Variants in NKAIN2 observed in about 807,000 individuals in gnomAD.
The protein encoded by NKAIN2 is sodium/potassium transporting ATPase interacting 2, also known as sodium/potassium-transporting ATPase subunit beta-1-interacting protein 2.
Under a neutral mutation model 32.6 loss-of-function variants are expected in NKAIN2, and 14 were observed. The ratio of observed to expected loss-of-function variants is 0.43; its 90% CI spans 0.28 to 0.67. The LOEUF (loss-of-function observed/expected upper bound fraction) is 0.67, where lower values mean the gene tolerates loss of function less well. NKAIN2 is among the 30% of genes least tolerant of loss of function. NKAIN2 has a pLI of 0.17. For missense variants in NKAIN2, 198 were observed against 258.3 expected (o/e 0.77, Z 1.60); for synonymous variants, 80 against 87.2 (o/e 0.92, Z 0.46).
intron 3 of NKAIN2, among the ~76,000 whole-genome samples, chr6:124,507,974 C>G (rs1434244320): frequency 6.6e-6 from 1 of 151,892 alleles, no homozygotes; most frequent in Non-Finnish European, 1.5e-5. Context: ...CCAATTAGGC[C>G]AGGCACAATA....
intron 1 of NKAIN2, among the ~76,000 whole-genome samples, chr6:124,199,175 G>A (rs1454451821): frequency 4.6e-5 from 7 of 152,232 alleles, no homozygotes; most frequent in East Asian, 1.9e-4. Context: ...AAACACTGGC[G>A]TGACAACAGA....
At chr6:124,142,241 AC>A (rs1787181213) in intron 1 of NKAIN2, among the ~76,000 whole-genome samples, 1 of 151,980 alleles carries the variant, frequency 6.6e-6, no homozygotes, top group African/African-American at 2.4e-5. Flanking sequence ...TTTTCTACCC[AC>A]TGCTGAAATT....
intron 1 of NKAIN2, among the ~76,000 whole-genome samples, chr6:124,044,822 A>C (rs1582525030): frequency 6.6e-6 from 1 of 152,216 alleles, no homozygotes; most frequent in Non-Finnish European, 1.5e-5. Context: ...TATCATTGAA[A>C]GATGTTGAGC....
chr6:124,797,348 G>A (rs1780049759), intron 5 of NKAIN2, among the ~76,000 whole-genome samples: 1 of 152,100 alleles, frequency 6.6e-6, no homozygotes, highest in Non-Finnish European at 1.5e-5. Context: ...GAGATTCAAT[G>A]TATTTGCAAA....
intron 4 of NKAIN2, among the ~76,000 whole-genome samples, chr6:124,681,766 A>T (rs1224760793): frequency 1.3e-5 from 2 of 152,106 alleles, no homozygotes; most frequent in Non-Finnish European, 1.5e-5. Flanking sequence ...ATAGAATCTT[A>T]CTGGCTTCTA....
intron 1 of NKAIN2, among the ~76,000 whole-genome samples, chr6:124,276,293 A>AACACACACACACACACAC (rs149321217): frequency 1.9e-4 from 28 of 145,954 alleles, no homozygotes; most frequent in African/African-American, 7.0e-4. Flanking sequence ...CCCCTTGGTG[A>AACACACACACACACACAC]ACACACACAC....
Position 124,566,779 on chromosome 6 carries a change from TA to T in NKAIN2, c.274-91400del, listed in dbSNP as rs1044143339. Reference sequence around the variant, plus strand: ...CTCCTAGGGTGACATAATTGAGTACTAAAAAAACCTTAATTTAGTATTTCAC... The same window carrying T: ...CTCCTAGGGTGACATAATTGAGTACTAAAAAACCTTAATTTAGTATTTCAC... On this transcript the variant is annotated intron_variant, in intron 3 of 6. Coordinates refer to ENST00000368417, the MANE Select transcript of NKAIN2 (RefSeq NM_001040214.3). 3.3e-5 allele frequency among the ~76,000 whole-genome samples: 5 copies of T among 152,108 alleles called. No homozygotes were observed. In the South Asian group the frequency reaches 8.3e-4, roughly 25 times the overall value.
intron 1 of NKAIN2, among the ~76,000 whole-genome samples, chr6:123,836,775 A>C (rs1156240484): frequency 6.6e-6 from 1 of 152,178 alleles, no homozygotes; most frequent in Non-Finnish European, 1.5e-5. Flanking sequence ...AAATGTTAAC[A>C]TTAGGGGAAG....
chr6:124,599,806 G>A (rs775914358), intron 3 of NKAIN2, among the ~76,000 whole-genome samples: 9 of 152,156 alleles, frequency 5.9e-5, no homozygotes, highest in South Asian at 4.2e-4. Flanking sequence ...TCTTTTAGCC[G>A]TGCATGACCA....
Position 124,123,753 on chromosome 6 carries a change from G to T in NKAIN2, c.55-159252G>T, listed in dbSNP as rs555076074. On this transcript the variant is annotated intron_variant, in intron 1 of 6. Transcript: ENST00000368417. Reference sequence around the variant, plus strand: ...CTCCTGAATCATATACTACCAAATGGCAGGAACTGGGCTCTTTAGCCTGTT... The same window carrying T: ...CTCCTGAATCATATACTACCAAATGTCAGGAACTGGGCTCTTTAGCCTGTT... Among the ~76,000 whole-genome samples, 35 of 152,164 alleles carry T rather than the reference G, an allele frequency of 2.3e-4. No individual in the cohort carries two copies. The South Asian group carries it at 6.9e-3, about 30-fold the overall frequency.
chr6:124,057,116 T>C (rs764037638), intron 1 of NKAIN2, among the ~76,000 whole-genome samples: 3 of 152,066 alleles, frequency 2.0e-5, no homozygotes, highest in Non-Finnish European at 4.4e-5. Context: ...CATTAACCCA[T>C]TTGCTAAGTA....
intron 3 of NKAIN2, among the ~76,000 whole-genome samples, chr6:124,361,328 C>A (rs1453516889): frequency 6.6e-6 from 1 of 152,024 alleles, no homozygotes; most frequent in Non-Finnish European, 1.5e-5. Flanking sequence ...TAAATACTTA[C>A]ACTTTTCTTC....
intron 3 of NKAIN2, among the ~76,000 whole-genome samples, chr6:124,493,717 CAAAAAAAAAAA>C (rs71021496): frequency 4.1e-4 from 35 of 85,838 alleles, no homozygotes; most frequent in Admixed American, 1.0e-3. Context: ...CCCCCCCCTC[CAAAAAAAAAAA>C]AAAAAAAAAA....
At chr6:124,513,475 T>C (rs1411892429) in intron 3 of NKAIN2, among the ~76,000 whole-genome samples, 1 of 152,208 alleles carries the variant, frequency 6.6e-6, no homozygotes, top group African/African-American at 2.4e-5. Context: ...TGCTTTTAAC[T>C]CTTCTATTTA....
intron 3 of NKAIN2, among the ~76,000 whole-genome samples, chr6:124,406,748 G>GT (rs927048264): frequency 6.6e-6 from 1 of 151,862 alleles, no homozygotes; most frequent in African/African-American, 2.4e-5. Flanking sequence ...AAAATTTGTT[G>GT]TTTTTTTATT....
intron 3 of NKAIN2, among the ~76,000 whole-genome samples, chr6:124,564,607 T>G (rs1307062184): frequency 6.6e-6 from 1 of 152,186 alleles, no homozygotes; most frequent in Admixed American, 6.5e-5. Context: ...CTTGCCACTT[T>G]TAAGAGCTGT....
At chr6:123,896,737 T>G (rs749516947) in intron 1 of NKAIN2, among the ~76,000 whole-genome samples, 1 of 152,124 alleles carries the variant, frequency 6.6e-6, no homozygotes, top group Non-Finnish European at 1.5e-5. Context: ...AGTCCTGAGC[T>G]CCCTCATTTT....
intron 3 of NKAIN2, among the ~76,000 whole-genome samples, chr6:124,652,555 G>A (rs1784403129): frequency 6.6e-6 from 1 of 151,974 alleles, no homozygotes; most frequent in Non-Finnish European, 1.5e-5. Context: ...TTTGTTTTGG[G>A]CTACTATGAC....
chr6:124,393,098 A>G (rs1297650190), intron 3 of NKAIN2, among the ~76,000 whole-genome samples: 1 of 152,170 alleles, frequency 6.6e-6, no homozygotes, highest in Non-Finnish European at 1.5e-5. Flanking sequence ...AGTAAAATCA[A>G]GAAGTTATAG....
Sources: gnomAD v4.1 joint callset for allele counts (sites outside exome capture counted in the v4.1 genomes callset) on GRCh38, gnomAD v4.1.1 for gene constraint, MANE v1.5 for transcripts, NCBI Gene and HGNC (gene_info 2026-07-23, HGNC 2026-07-21) for gene names.